CSMD2: variants seen among roughly 807,000 people sequenced by gnomAD.
CSMD2 encodes the protein CUB and Sushi multiple domains 2.
CSMD2 carries 130 observed loss-of-function variants against 398.5 expected under a neutral mutation model. The ratio of observed to expected loss-of-function variants is 0.33; its 90% CI spans 0.28 to 0.38. The LOEUF is 0.38. CSMD2 is among the 10% of genes least tolerant of loss of function. The pLI is 1.00. For synonymous variants in CSMD2, 1,828 were observed against 1,908.5 expected (o/e 0.96, Z 1.10); for missense variants, 3,829 against 4,764.9 (o/e 0.80, Z 5.78).
Position 33,714,613 on chromosome 1 carries a change from C to T in CSMD2, c.3380G>A (p.Trp1127Ter). The T allele has an allele frequency of 6.2e-7, 1 of 1,613,912 alleles. No individual in the cohort carries two copies. Among genetic ancestry groups the T allele is most frequent in the Non-Finnish European group, 8.5e-7 (1 of 1,180,024 alleles). Residue 1127 changes from tryptophan to a stop codon, truncating the protein, a stop_gained, in exon 21 of 71, where the codon TGG (tryptophan) becomes TAG (stop). Coordinates refer to ENST00000373381, the MANE Select transcript of CSMD2 (RefSeq NM_001281956.2). LOFTEE classifies it high-confidence loss of function. ...AACACACCTTGGCAGAGGCGAGCTC[C>T]ACAGGCGCCGTCTGCCCCCCAGGCA... is the stretch of plus-strand genomic sequence containing the variant. Reference protein sequence around the residue: ...ITCLGGRRRLWSSPLPRCVAE... With the variant: ...ITCLGGRRRL
rs761279043 is a variant in CSMD2, at chr1:33,569,560, C to T, written c.7958-13G>A. The T allele has an allele frequency of 6.2e-7, 1 of 1,611,340 alleles. No individual in the cohort carries two copies. Among genetic ancestry groups the T allele is most frequent in the East Asian group, 2.2e-5 (1 of 44,818 alleles). ...CCACAGGAGATGACTAAAATGATCA[C>T]AAGATGCTCAGTAAGCCAGCCCCAA... On this transcript the variant is annotated splice_polypyrimidine_tract_variant and intron_variant, in intron 51 of 70. Transcript: ENST00000373381.
intron 1 of CSMD2, among the ~76,000 whole-genome samples, chr1:34,098,254 G>C (rs1310645280): frequency 3.0e-4 from 38 of 125,670 alleles, no homozygotes; most frequent in African/African-American, 1.1e-3. Context: ...CACATTCTGG[G>C]GACTGTTGTG....
chr1:34,086,101 G>C (rs1657854809), intron 2 of CSMD2, among the ~76,000 whole-genome samples: 1 of 151,616 alleles, frequency 6.6e-6, no homozygotes, highest in Non-Finnish European at 1.5e-5. Context: ...TCTGCCTTAA[G>C]AGCAGGACAA....
intron 3 of CSMD2, among the ~76,000 whole-genome samples, chr1:34,004,000 C>A (rs1205771341): frequency 1.3e-5 from 2 of 152,192 alleles, no homozygotes; most frequent in African/African-American, 4.8e-5. Flanking sequence ...GCCTACCTGC[C>A]CTCTAGCCCC....
rs182517199 is a variant in CSMD2 at position 34,039,466 on chromosome 1, G to C, written c.405-6760C>G. ...GTGAGTTAAGCCATTTCAATTTGAGGGTTGTTTGCTACCACCATGTTTTCA... is the reference window on the plus strand; with the variant it reads ...GTGAGTTAAGCCATTTCAATTTGAGCGTTGTTTGCTACCACCATGTTTTCA... On this transcript the variant is annotated intron_variant, in intron 2 of 70. Coordinates refer to ENST00000373381, the MANE Select transcript of CSMD2 (RefSeq NM_001281956.2). Among the ~76,000 whole-genome samples, 5 of 152,262 alleles carry C rather than the reference G, an allele frequency of 3.3e-5. No individual in the cohort carries two copies. The East Asian group carries it at 9.7e-4, about 29-fold the overall frequency.
rs573326230 is a variant in CSMD2, at chr1:33,648,589, C to T, written c.4587-1754G>A. On this transcript the variant is annotated intron_variant, in intron 28 of 70. Coordinates refer to ENST00000373381, the MANE Select transcript of CSMD2 (RefSeq NM_001281956.2). ...GGTTTTTTTCTTTTTTATGGATGCTCCAGACATTTTGTGGTTGATTTTCTG... is the reference window on the plus strand; with the variant it reads ...GGTTTTTTTCTTTTTTATGGATGCTTCAGACATTTTGTGGTTGATTTTCTG... Among the ~76,000 whole-genome samples, 88 of 152,070 alleles carry T rather than the reference C, an allele frequency of 5.8e-4. No individual in the cohort carries two copies. The South Asian group carries it at 6.2e-3, about 11-fold the overall frequency.
intron 5 of CSMD2, among the ~76,000 whole-genome samples, chr1:33,872,619 T>G (rs929709123): frequency 2.6e-5 from 4 of 152,038 alleles, no homozygotes; most frequent in African/African-American, 9.7e-5. Flanking sequence ...TGTTTTTTTG[T>G]GTAATAGAGG....
intron 23 of CSMD2, among the ~76,000 whole-genome samples, chr1:33,700,044 T>C (rs1203530248): frequency 6.6e-6 from 1 of 152,016 alleles, no homozygotes; most frequent in African/African-American, 2.4e-5. Flanking sequence ...AGTCTTGCTC[T>C]GTCACCCAGG....
chr1:33,890,032 A>G (rs1570409911), intron 5 of CSMD2, among the ~76,000 whole-genome samples: 1 of 107,870 alleles, frequency 9.3e-6, no homozygotes, highest in East Asian at 2.6e-4. Context: ...TTTAAAAACA[A>G]AGCCATACCT....
At chr1:33,583,575 T>C in intron 47 of CSMD2, 67 bp downstream of exon 47, 1 of 1,490,678 alleles carries the variant, frequency 6.7e-7, no homozygotes, top group South Asian at 1.2e-5. Context: ...CAGCACAGAC[T>C]CCTCGGGTTC....
At chr1:33,767,526 A>G (rs1446058857) in intron 13 of CSMD2, among the ~76,000 whole-genome samples, 1 of 152,168 alleles carries the variant, frequency 6.6e-6, no homozygotes, top group Admixed American at 6.5e-5. Context: ...GATCATCCCC[A>G]AAGGCCCTTC....
intron 3 of CSMD2, among the ~76,000 whole-genome samples, chr1:33,944,230 G>GCCC (rs35597190): frequency 6.8e-6 from 1 of 146,776 alleles, no homozygotes; most frequent in African/African-American, 2.5e-5. Flanking sequence ...TCTCAGGAAC[G>GCCC]CCCCCCCCCC....
chr1:33,651,449 T>C (rs1168154762), intron 28 of CSMD2, among the ~76,000 whole-genome samples: 5 of 152,202 alleles, frequency 3.3e-5, no homozygotes, highest in Non-Finnish European at 7.3e-5. Context: ...ATAGCGATGC[T>C]GACGCTCAGA....
intron 62 of CSMD2, among the ~76,000 whole-genome samples, chr1:33,534,675 G>A (rs569480531): frequency 3.7e-4 from 56 of 152,306 alleles, no homozygotes; most frequent in African/African-American, 1.3e-3. Flanking sequence ...ACCTACTGGA[G>A]CATGTGCAAA....
rs149390540 is a variant in CSMD2 at position 33,761,997 on chromosome 1, T to C, written c.1846+10572A>G. ...TGAGTCACCCAAAAGATTGCTCTTG[T>C]ACATAAGGCCTAGAGGAAGGGCCAA... is the stretch of plus-strand genomic sequence containing the variant. On this transcript the variant is annotated intron_variant, in intron 13 of 70. Coordinates refer to ENST00000373381, the MANE Select transcript of CSMD2 (RefSeq NM_001281956.2). Among the ~76,000 whole-genome samples the C allele has an allele frequency of 9.3e-3, 1,409 of 152,206 alleles. 20 individuals carry two copies. The highest frequency in any genetic ancestry group is 0.031 in the African/African-American group (1,285 of 41,534).
In CSMD2 at chr1:33,810,830, C is replaced by T. The variant is rs368564766; in HGVS notation, c.1359G>A (p.Ser453=). 41 of 1,612,286 alleles carry T rather than the reference C, an allele frequency of 2.5e-5. No homozygotes were observed. The highest frequency in any genetic ancestry group is 2.5e-4 in the East Asian group (11 of 44,732). ...RMCDAHLRGP[S]GIITSPNFPI... ...GGAAATTGGGGGAGGTGATGATGCCCGAGGGGCCTCGAAGGTGGGCATCAC... is the reference window on the plus strand; with the variant it reads ...GGAAATTGGGGGAGGTGATGATGCCTGAGGGGCCTCGAAGGTGGGCATCAC... The change falls in exon 10 of 71, where the codon TCG becomes TCA. Residue 453 remains serine (S), a synonymous_variant. Transcript: ENST00000373381.
intron 22 of CSMD2, among the ~76,000 whole-genome samples, chr1:33,706,124 A>G (rs1645770203): frequency 6.6e-6 from 1 of 152,186 alleles, no homozygotes; most frequent in Non-Finnish European, 1.5e-5. Flanking sequence ...AGACTTACAG[A>G]GGTATATTAA....
At position 33,605,357 on chromosome 1, in the gene CSMD2, A is replaced by G. The variant is rs202167159; in HGVS notation, c.6457T>C (p.Leu2153=). The G allele has an allele frequency of 2.5e-6, 4 of 1,614,158 alleles. No homozygotes were observed. The highest frequency in any genetic ancestry group is 3.3e-5 in the Admixed American group (2 of 60,026). Residue 2153 remains leucine (L), a synonymous_variant, in exon 42 of 71, where the codon TTG becomes CTG. Coordinates refer to ENST00000373381, the MANE Select transcript of CSMD2 (RefSeq NM_001281956.2). Reference sequence around the variant, plus strand: ...CACGTGAGGACAGGGTGGCCAGTCAATTGATACCCCGGGAGGCACTCGAAG... The same window carrying G: ...CACGTGAGGACAGGGTGGCCAGTCAGTTGATACCCCGGGAGGCACTCGAAG... ...VTFECLPGYQ[L]TGHPVLTCQH...
chr1:33,726,438 T>G, intron 16 of CSMD2, 109 bp downstream of exon 16: 14 of 1,304,186 alleles, frequency 1.1e-5, no homozygotes, highest in African/African-American at 1.5e-5. Context: ...CCAACCTTGC[T>G]GACATTTCAG....
Sources: allele counts gnomAD v4.1 joint callset (sites outside exome capture counted in the v4.1 genomes callset), GRCh38; gene constraint gnomAD v4.1.1; transcripts MANE v1.5; gene names NCBI Gene and HGNC (gene_info 2026-07-23, HGNC 2026-07-21).